Variants in FAT3 observed in about 807,000 individuals in gnomAD.
FAT3 encodes protocadherin Fat 3.
Under a neutral mutation model 310.2 loss-of-function variants are expected in FAT3, and 95 were observed. The ratio of observed to expected loss-of-function variants is 0.31; its 90% CI spans 0.26 to 0.36. FAT3 has a LOEUF of 0.36. FAT3 is among the 10% of genes least tolerant of loss of function. The pLI is 1.00. For missense variants in FAT3, 5,408 were observed against 5,715.6 expected (o/e 0.95, Z 1.74); for synonymous variants, 2,314 against 2,192.9 (o/e 1.06, Z -1.54).
intron 1 of FAT3, among the ~76,000 whole-genome samples, chr11:92,303,187 A>G (rs1305091037): frequency 6.6e-6 from 1 of 152,124 alleles, no homozygotes; most frequent in Non-Finnish European, 1.5e-5. Flanking sequence ...AAACTCAAGG[A>G]AAACTTTTAA....
intron 2 of FAT3, among the ~76,000 whole-genome samples, chr11:92,413,249 T>C (rs1243107846): frequency 6.6e-6 from 1 of 152,144 alleles, no homozygotes; most frequent in Non-Finnish European, 1.5e-5. Context: ...TGTTGAAGCA[T>C]CAGGCCAGAC....
At chr11:92,540,094 T>C (rs1194393728) in intron 3 of FAT3, among the ~76,000 whole-genome samples, 2 of 152,210 alleles carry the variant, frequency 1.3e-5, no homozygotes, top group Admixed American at 1.3e-4. Flanking sequence ...GGATATCTAG[T>C]GCAGTAATAT....
intron 2 of FAT3, among the ~76,000 whole-genome samples, chr11:92,488,461 C>CCG (rs1440864723): frequency 1.0e-5 from 1 of 98,162 alleles, no homozygotes; most frequent in African/African-American, 3.5e-5. Context: ...CCCCCCCCCC[C>CCG]GCCCCCCAAC....
At chr11:92,575,956 T>C (rs1430845470) in intron 3 of FAT3, among the ~76,000 whole-genome samples, 2 of 152,144 alleles carry the variant, frequency 1.3e-5, no homozygotes, top group Non-Finnish European at 2.9e-5. Context: ...CCATACTTAG[T>C]TTGAGGTTTA....
intron 1 of FAT3, among the ~76,000 whole-genome samples, chr11:92,267,352 A>G (rs1318422346): frequency 6.6e-6 from 1 of 152,146 alleles, no homozygotes; most frequent in Non-Finnish European, 1.5e-5. Context: ...CAGAAATCTA[A>G]TTAGGTAATT....
chr11:92,396,959 G>A (rs546655692), intron 2 of FAT3, among the ~76,000 whole-genome samples: 4 of 152,112 alleles, frequency 2.6e-5, no homozygotes, highest in East Asian at 1.9e-4. Context: ...CGTCTACATC[G>A]GCCTCCCAAA....
At chr11:92,534,930 A>C (rs556751828) in intron 3 of FAT3, among the ~76,000 whole-genome samples, 3 of 152,298 alleles carry the variant, frequency 2.0e-5, no homozygotes, top group South Asian at 4.1e-4. Flanking sequence ...AGTTGTGTAG[A>C]AGTATGCTTG....
In FAT3 at chr11:92,866,868, C is replaced by T. The variant is rs750266585; in HGVS notation, c.11786C>T (p.Thr3929Met). The change falls in exon 22 of 28, where the codon ACG becomes ATG. Residue 3929 changes from threonine to methionine, a missense_variant. Transcript: ENST00000525166. ...SVFLELNRNF[T>M]SLSLDDSYVE... Reference sequence around the variant, plus strand: ...TTCCTGGAGCTCAACCGCAATTTCACGAGCCTGTCCCTGGATGACAGCTAC... The same window carrying T: ...TTCCTGGAGCTCAACCGCAATTTCATGAGCCTGTCCCTGGATGACAGCTAC... 47 of 1,613,644 alleles carry T rather than the reference C, an allele frequency of 2.9e-5. No individual in the cohort carries two copies. The East Asian group carries it at 9.8e-4, about 34-fold the overall frequency.
Position 92,552,971 on chromosome 11 carries a change from G to C in FAT3, c.3607+28023G>C, listed in dbSNP as rs543195964. ...TCAAACAAAAAAAAATAAAAGAAAA[G>C]AAAAAAGAATTGGAAATATGGAAGG... On this transcript the variant is annotated intron_variant, in intron 3 of 27. Coordinates refer to ENST00000525166, the MANE Select transcript of FAT3 (RefSeq NM_001367949.2). Among the ~76,000 whole-genome samples the C allele has an allele frequency of 7.4e-4, 109 of 147,616 alleles. 1 individual carries two copies. Among genetic ancestry groups the C allele is most frequent in the Non-Finnish European group, 1.3e-3 (87 of 66,728 alleles).
intron 22 of FAT3, among the ~76,000 whole-genome samples, chr11:92,878,370 TAAATA>T (rs1949582801): frequency 6.6e-6 from 1 of 151,586 alleles, no homozygotes; most frequent in Admixed American, 6.6e-5. Flanking sequence ...AAAATAGAAA[TAAATA>T]AATAAATTGA....
chr11:92,884,186 C>T (rs118029631), intron 24 of FAT3, among the ~76,000 whole-genome samples: 1 of 152,230 alleles, frequency 6.6e-6, no homozygotes, highest in Non-Finnish European at 1.5e-5. Context: ...CAGAGGAGGT[C>T]GGTGCAGTTG....
chr11:92,337,629 G>A (rs1989150), intron 1 of FAT3, among the ~76,000 whole-genome samples: 15,419 of 152,072 alleles, frequency 0.1, 1,327 homozygotes, highest in African/African-American at 0.23. Flanking sequence ...ACAGGGTTTC[G>A]CCATGTTGGC....
At chr11:92,810,706 G>A in intron 13 of FAT3, among the ~76,000 whole-genome samples, 1 of 152,126 alleles carries the variant, frequency 6.6e-6, no homozygotes, top group East Asian at 1.9e-4. Context: ...TTTATGCTCA[G>A]ATCCACTTTA....
intron 1 of FAT3, among the ~76,000 whole-genome samples, chr11:92,347,615 C>T (rs1948452660): frequency 6.6e-6 from 1 of 152,084 alleles, no homozygotes; most frequent in African/African-American, 2.4e-5. Context: ...CCCAAGGTCT[C>T]TGGTATTTAT....
rs1267625492 is a variant in FAT3 at position 92,298,766 on chromosome 11, G to A, written c.-17-53330G>A. Among the ~76,000 whole-genome samples, 3 of 152,062 alleles carry A rather than the reference G, an allele frequency of 2.0e-5. No individual in the cohort carries two copies. The East Asian group carries it at 5.8e-4, about 29-fold the overall frequency. On this transcript the variant is annotated intron_variant, in intron 1 of 27. Transcript: ENST00000525166. ...ACTAAGAGTTTTCAATCTCAACAAA[G>A]TTGAGTATTTTGAACTTGTCAGCAT...
chr11:92,693,987 A>T (rs567719716), intron 3 of FAT3, among the ~76,000 whole-genome samples: 6 of 152,176 alleles, frequency 3.9e-5, no homozygotes. Context: ...TTCCAAACAT[A>T]AAAGACTTAT....
chr11:92,386,370 A>G (rs1435934148), intron 2 of FAT3, among the ~76,000 whole-genome samples: 1 of 152,180 alleles, frequency 6.6e-6, no homozygotes, highest in Non-Finnish European at 1.5e-5. Flanking sequence ...AGGAACATAT[A>G]CAAGACTTCA....
rs12418517 is a variant in FAT3 at position 92,492,291 on chromosome 11, T to C, written c.3293-32343T>C. 1.0e-3 allele frequency among the ~76,000 whole-genome samples: 140 copies of C among 135,146 alleles called. 2 individuals are homozygous for C. The highest frequency in any genetic ancestry group is 3.8e-3 in the African/African-American group (128 of 34,010). 88.7% of individuals were successfully genotyped at this position (135,146 alleles called of 152,430 possible). On this transcript the variant is annotated intron_variant, in intron 2 of 27. Coordinates refer to ENST00000525166, the MANE Select transcript of FAT3 (RefSeq NM_001367949.2). ...TCCATCCATCCATCCATCCATCCAT[T>C]CATCCATCCATCCATCCATGCTCAC...
At chr11:92,755,002 A>T (rs1190404727) in intron 4 of FAT3, among the ~76,000 whole-genome samples, 1 of 152,200 alleles carries the variant, frequency 6.6e-6, no homozygotes, top group Non-Finnish European at 1.5e-5. Flanking sequence ...GTGGAATGTA[A>T]AAAAGTCAAA....
Sources: allele counts gnomAD v4.1 joint callset (sites outside exome capture counted in the v4.1 genomes callset), GRCh38; gene constraint gnomAD v4.1.1; transcripts MANE v1.5; gene names NCBI Gene and HGNC (gene_info 2026-07-23, HGNC 2026-07-21).